CDK12: variants seen among roughly 807,000 people sequenced by gnomAD.
CDK12 encodes cyclin-dependent kinase 12.
In CDK12, 17 loss-of-function variants were observed where a neutral mutation model predicts 133.8. The ratio of observed to expected loss-of-function variants is 0.13; its 90% confidence interval spans 0.09 to 0.19. CDK12 has a LOEUF of 0.19. Ranked by LOEUF, CDK12 falls within the 10% of genes least tolerant of loss-of-function variation. The pLI is 1.00. For synonymous variants in CDK12, 694 were observed against 683.6 expected, an observed-to-expected ratio of 1.02 and a Z score of -0.24; for missense variants, 1,508 against 1,818.7, an observed-to-expected ratio of 0.83 and a Z score of 3.11.
At chr17:39,519,669 A>C (rs1440148275) in intron 10 of CDK12, among the ~76,000 whole-genome samples, 2 of 151,008 alleles carry the variant, frequency 1.3e-5, no homozygotes, top group Non-Finnish European at 2.9e-5. Context: ...AACTCATTGC[A>C]GCCTCAAATT....
At chr17:39,503,689 G>A (rs2052892026) in intron 6 of CDK12, among the ~76,000 whole-genome samples, 2 of 152,140 alleles carry the variant, frequency 1.3e-5, no homozygotes, top group Non-Finnish European at 2.9e-5. Flanking sequence ...AGGTTGCTAA[G>A]CAGGATACAG....
intron 1 of CDK12, among the ~76,000 whole-genome samples, chr17:39,468,039 G>A (rs567381206): frequency 7.3e-5 from 11 of 151,190 alleles, no homozygotes; most frequent in South Asian, 4.2e-4. Context: ...GATTACAGGC[G>A]CACACCACCA....
At chr17:39,528,677 G>C (rs1390632188) in intron 13 of CDK12, among the ~76,000 whole-genome samples, 1 of 152,190 alleles carries the variant, frequency 6.6e-6, no homozygotes. Flanking sequence ...ACATATGAAA[G>C]AATTTGACCT....
At chr17:39,563,986 G>C (rs2056484493) in intron 3 of CDK12, among the ~76,000 whole-genome samples, 3 of 152,196 alleles carry the variant, frequency 2.0e-5, no homozygotes, top group Non-Finnish European at 2.9e-5. Flanking sequence ...ATGGGGGCCT[G>C]GGTGGCCAAG....
intron 2 of CDK12, among the ~76,000 whole-genome samples, chr17:39,485,991 C>T (rs796979816): frequency 6.8e-6 from 1 of 147,858 alleles, no homozygotes; most frequent in African/African-American, 2.5e-5. Flanking sequence ...CTTGCTCTGT[C>T]GCCCAGGCTG....
chr17:39,535,228 CA>C (rs1042570266), downstream of CDK12: 1 of 152,002 alleles, frequency 6.6e-6, no homozygotes, highest in Non-Finnish European at 1.5e-5. Flanking sequence ...GGGCAGAGGG[CA>C]GATAAAGTCC....
intron 6 of CDK12, 99 bp downstream of exon 6, chr17:39,501,538 C>A: frequency 1.4e-6 from 1 of 724,832 alleles, no homozygotes; most frequent in Non-Finnish European, 2.3e-6. Flanking sequence ...CCTAATAGTG[C>A]AGTATTCACA....
At chr17:39,466,207 C>G (rs1567676511) in intron 1 of CDK12, among the ~76,000 whole-genome samples, 3 of 151,164 alleles carry the variant, frequency 2.0e-5, no homozygotes, top group Non-Finnish European at 4.4e-5. Context: ...ACTCGGGAGG[C>G]TGAGGCAGGA....
chr17:39,519,644 C>T (rs2054045488), intron 10 of CDK12, among the ~76,000 whole-genome samples: 1 of 150,180 alleles, frequency 6.7e-6, no homozygotes, highest in Admixed American at 6.7e-5. Flanking sequence ...GGCTGCAATG[C>T]AGTTGTGCAG....
rs530591935 is a variant in CDK12, at chr17:39,481,941, C to CA, written c.1932-8613dup. Reference sequence around the variant, plus strand: ...TTCACCAGGTTGGCCAGGCTGGTCTCAAACTCCTGACCTTGTGATCTGCCC... The same window carrying CA: ...TTCACCAGGTTGGCCAGGCTGGTCTCAAAACTCCTGACCTTGTGATCTGCCC... On this transcript the variant is annotated intron_variant, in intron 2 of 13. Coordinates refer to ENST00000447079, the MANE Select transcript of CDK12 (RefSeq NM_016507.4). Among the ~76,000 whole-genome samples the CA allele has an allele frequency of 5.8e-3, 862 of 149,528 alleles. 4 individuals are homozygous for CA. Among genetic ancestry groups the CA allele is most frequent in the Admixed American group, 8.5e-3 (126 of 14,808 alleles).
chr17:39,500,340 A>C lies in CDK12; in HGVS notation c.2420-910A>C, dbSNP rs933252684. 4.6e-5 allele frequency among the ~76,000 whole-genome samples: 7 copies of C among 151,766 alleles called. No individual in the cohort carries two copies. In the South Asian group the frequency reaches 6.3e-4, roughly 14 times the overall value. ...AATGAGACGCTGTCTCAAAAAAAAA[A>C]AGAAGAAAAAGGCTGGGCGCGGTGG... On this transcript the variant is annotated intron_variant, in intron 5 of 13. Transcript: ENST00000447079.
At position 39,490,366 on chromosome 17, in the gene CDK12, CA is replaced by C. The variant is rs34599937; in HGVS notation, c.1932-181del. Among the ~76,000 whole-genome samples the C allele has an allele frequency of 2.1e-4, 29 of 139,462 alleles. No individual in the cohort carries two copies. The East Asian group carries it at 2.7e-3, about 13-fold the overall frequency. The allele number at this position is 139,462 out of a possible 152,430, so 91.5% of individuals were successfully genotyped here. On this transcript the variant is annotated intron_variant, in intron 2 of 13. Coordinates refer to ENST00000447079, the MANE Select transcript of CDK12 (RefSeq NM_016507.4). ...TGGGCGACAGAGTGATACTCTGTCT[CA>C]AAAAAAAAAGAAAAAAATTAAGTAT... is the stretch of plus-strand genomic sequence containing the variant.
intron 3 of CDK12, among the ~76,000 whole-genome samples, chr17:39,558,137 C>CA (rs2056231597): frequency 1.3e-5 from 2 of 152,106 alleles, no homozygotes; most frequent in Admixed American, 1.3e-4. Flanking sequence ...AATGTATGTG[C>CA]ACATGCTGGG....
At chr17:39,469,722 C>T (rs559232763) in intron 1 of CDK12, among the ~76,000 whole-genome samples, 1 of 150,826 alleles carries the variant, frequency 6.6e-6, no homozygotes, top group African/African-American at 2.4e-5. Context: ...ACCGTAACCT[C>T]TGCCTCCTGG....
chr17:39,496,912 CT>C (rs71147349), intron 5 of CDK12, among the ~76,000 whole-genome samples: 1,807 of 87,776 alleles, frequency 0.021, 9 homozygotes, highest in African/African-American at 0.078. Context: ...TTCAGTATAT[CT>C]TTTTTTTTTT....
At chr17:39,494,998 C>T (rs1165555285) in intron 5 of CDK12, among the ~76,000 whole-genome samples, 1 of 151,982 alleles carries the variant, frequency 6.6e-6, no homozygotes, top group East Asian at 1.9e-4. Flanking sequence ...GTCTCGATCT[C>T]CTGACCTCGT....
chr17:39,470,807 G>A (rs1458317641), intron 1 of CDK12, 72 bp from the exon 2 acceptor site: 1 of 1,232,692 alleles, frequency 8.1e-7, no homozygotes, highest in Non-Finnish European at 1.1e-6. Flanking sequence ...TTCATAGTTT[G>A]TTTTATTGAT....
intron 1 of CDK12, among the ~76,000 whole-genome samples, chr17:39,540,099 AAG>A (rs1399644161): frequency 6.6e-6 from 1 of 152,228 alleles, no homozygotes; most frequent in Non-Finnish European, 1.5e-5. Context: ...TGTTCTTGCC[AAG>A]ACATGAAGCA....
At chr17:39,517,252 G>A (rs1273429928) in intron 9 of CDK12, among the ~76,000 whole-genome samples, 188 bp from the exon 10 acceptor site, 1 of 152,132 alleles carries the variant, frequency 6.6e-6, no homozygotes, top group African/African-American at 2.4e-5. Flanking sequence ...GTTATAACCA[G>A]TTCTTTCTGT....
Sources: gnomAD v4.1 joint callset for allele counts (sites outside exome capture counted in the v4.1 genomes callset) on GRCh38, gnomAD v4.1.1 for gene constraint, MANE v1.5 for transcripts, NCBI Gene and HGNC (gene_info 2026-07-23, HGNC 2026-07-21) for gene names.